RAB11FIP3: variants seen among roughly 807,000 people sequenced by gnomAD.
RAB11FIP3 encodes rab11 family-interacting protein 3.
RAB11FIP3 carries 17 observed loss-of-function variants against 77.8 expected under a neutral mutation model. That is an observed-to-expected ratio of 0.22 (90% CI 0.15 to 0.33). RAB11FIP3 has a LOEUF of 0.33. Among genes scored for constraint, RAB11FIP3 ranks in the 10% least tolerant of loss-of-function variants. The pLI is 1.00. For missense variants in RAB11FIP3, 1,005 were observed against 1,011.2 expected (o/e 0.99, Z 0.08); for synonymous variants, 437 against 448.2 (o/e 0.98, Z 0.31).
intron 1 of RAB11FIP3, among the ~76,000 whole-genome samples, chr16:443,921 C>T (rs534706537): frequency 1.3e-5 from 2 of 152,282 alleles, no homozygotes; most frequent in South Asian, 4.1e-4. Context: ...AATTGTCTTC[C>T]AGAAAAGTAT....
At chr16:503,551 C>G (rs2031647980) in intron 7 of RAB11FIP3, among the ~76,000 whole-genome samples, 1 of 152,116 alleles carries the variant, frequency 6.6e-6, no homozygotes. Context: ...GAATGGGTGA[C>G]AGCAGCCAGG....
At chr16:453,764 AT>A (rs972634724) in intron 1 of RAB11FIP3, among the ~76,000 whole-genome samples, 3 of 149,692 alleles carry the variant, frequency 2.0e-5, no homozygotes, top group Non-Finnish European at 3.0e-5. Flanking sequence ...CTAATTTTGT[AT>A]TTTTTTTTAA....
chr16:497,958 A>T (rs2031266677), intron 6 of RAB11FIP3, among the ~76,000 whole-genome samples: 1 of 149,748 alleles, frequency 6.7e-6, no homozygotes, highest in Non-Finnish European at 1.5e-5. Flanking sequence ...AAAAAAAATT[A>T]AAAATTAAAA....
At chr16:447,068 G>T (rs2055329492) in intron 1 of RAB11FIP3, among the ~76,000 whole-genome samples, 1 of 151,482 alleles carries the variant, frequency 6.6e-6, no homozygotes, top group Non-Finnish European at 1.5e-5. Flanking sequence ...ACTTTGAGAG[G>T]CTGAGGCAGG....
chr16:512,039 C>T (rs1383595189), intron 9 of RAB11FIP3, among the ~76,000 whole-genome samples: 1 of 152,170 alleles, frequency 6.6e-6, no homozygotes, highest in Non-Finnish European at 1.5e-5. Flanking sequence ...GCCCGCCCAC[C>T]CCAGAACCGG....
intron 9 of RAB11FIP3, among the ~76,000 whole-genome samples, chr16:517,821 G>T (rs191518289): frequency 6.6e-6 from 1 of 151,860 alleles, no homozygotes; most frequent in Non-Finnish European, 1.5e-5. Flanking sequence ...GGTGGCTCAC[G>T]CCTGTAATCC....
intron 1 of RAB11FIP3, among the ~76,000 whole-genome samples, chr16:453,657 C>T (rs1272706625): frequency 6.9e-6 from 1 of 144,082 alleles, no homozygotes; most frequent in African/African-American, 2.6e-5. Flanking sequence ...GTGGCGCGAT[C>T]TTGGCTCACT....
At chr16:499,807 A>T (rs2031391203) in intron 6 of RAB11FIP3, among the ~76,000 whole-genome samples, 1 of 151,856 alleles carries the variant, frequency 6.6e-6, no homozygotes, top group Non-Finnish European at 1.5e-5. Context: ...AAAAAAAAAA[A>T]AAAAAAAAAA....
At chr16:464,437 CT>C (rs2055668462) in intron 2 of RAB11FIP3, among the ~76,000 whole-genome samples, 1 of 152,186 alleles carries the variant, frequency 6.6e-6, no homozygotes, top group Admixed American at 6.5e-5. Flanking sequence ...GCATGGCGTG[CT>C]GCAGGTCCTC....
At chr16:484,783 G>A (rs1208553408) in intron 4 of RAB11FIP3, among the ~76,000 whole-genome samples, 1 of 152,218 alleles carries the variant, frequency 6.6e-6, no homozygotes, top group African/African-American at 2.4e-5. Flanking sequence ...TTGGCTTTGA[G>A]GGTGAAACTG....
chr16:490,268 C>T (rs1047743398), intron 5 of RAB11FIP3, among the ~76,000 whole-genome samples: 8 of 152,268 alleles, frequency 5.3e-5, no homozygotes, highest in Middle Eastern at 3.2e-3. Context: ...GTCGCAGACG[C>T]AGCACCCCTG....
chr16:458,666 A>G (rs2055550785), intron 1 of RAB11FIP3, among the ~76,000 whole-genome samples: 1 of 140,566 alleles, frequency 7.1e-6, no homozygotes, highest in Non-Finnish European at 1.6e-5. Flanking sequence ...CAGTTAATGG[A>G]TGTGGCTACA....
chr16:475,852 T>TA (rs1285050726), intron 3 of RAB11FIP3, among the ~76,000 whole-genome samples: 3 of 151,970 alleles, frequency 2.0e-5, no homozygotes, highest in African/African-American at 7.3e-5. Context: ...TTACTTTATT[T>TA]TTTATTTTTT....
chr16:437,464 G>A (rs1300348857), intron 1 of RAB11FIP3, among the ~76,000 whole-genome samples: 1 of 151,242 alleles, frequency 6.6e-6, no homozygotes, highest in East Asian at 1.9e-4. Flanking sequence ...CAGCTACTCA[G>A]GAGGCTGAGG....
rs2055810266 is a variant in RAB11FIP3 at position 471,608 on chromosome 16, C to A, written c.903+219C>A. Among the ~76,000 whole-genome samples the A allele has an allele frequency of 6.6e-6, 1 of 152,224 alleles. No individual in the cohort carries two copies. The highest frequency in any genetic ancestry group is 2.1e-4 in the South Asian group (1 of 4,836). ...TGTCAGCCTGGGCAGGAATCCTCCC[C>A]CAGGGCCTGTCGCCAGCAGAAGTGG... is the stretch of plus-strand genomic sequence containing the variant. On this transcript the variant is annotated intron_variant, in intron 3 of 13. Coordinates refer to ENST00000262305, the MANE Select transcript of RAB11FIP3 (RefSeq NM_014700.4). The surrounding 1 kb of genome is among the most constrained non-coding windows in gnomAD (Gnocchi z 4.4).
rs778251932 is a variant in RAB11FIP3, at chr16:496,834, C to T, written c.1276C>T (p.Arg426Trp). Residue 426 changes from arginine to tryptophan, a missense_variant, in exon 6 of 14, where the codon CGG (arginine) becomes TGG (tryptophan). Transcript: ENST00000262305. ...PAFLTPSPTK[R>W]LSSKKVARYL... is the part of the protein sequence containing the mutation. Reference sequence around the variant, plus strand: ...TTGTTTTCTGCACAGTCCGACAAAGCGGCTCTCCAGCAAGAAGGTGGCAAG... The same window carrying T: ...TTGTTTTCTGCACAGTCCGACAAAGTGGCTCTCCAGCAAGAAGGTGGCAAG... 5 of 1,596,662 alleles carry T rather than the reference C, an allele frequency of 3.1e-6. No individual in the cohort carries two copies. The highest frequency in any genetic ancestry group is 1.7e-5 in the Admixed American group (1 of 59,944).
At position 491,417 on chromosome 16, in the gene RAB11FIP3, G is replaced by A. The variant is rs908206693; in HGVS notation, c.1265+2417G>A. Reference sequence around the variant, plus strand: ...TGGGGCCCCGCCTCCCACCCTGCACGCTGTGGGGCCACCAGGGCCCTGCCT... The same window carrying A: ...TGGGGCCCCGCCTCCCACCCTGCACACTGTGGGGCCACCAGGGCCCTGCCT... On this transcript the variant is annotated intron_variant, in intron 5 of 13. Coordinates refer to ENST00000262305, the MANE Select transcript of RAB11FIP3 (RefSeq NM_014700.4). 1.3e-5 allele frequency: 10 copies of A among 780,600 alleles called. No homozygotes were observed. In the African/African-American group the frequency reaches 1.5e-4, roughly 11 times the overall value. The allele number at this position is 780,600 out of a possible 1,614,324, so 48.4% of individuals were successfully genotyped here.
chr16:510,875 G>C, intron 9 of RAB11FIP3, 75 bp downstream of exon 9: 1 of 1,471,970 alleles, frequency 6.8e-7, no homozygotes, highest in African/African-American at 1.6e-5. Flanking sequence ...CAGCCCGCCA[G>C]CCCCAGAAAC....
intron 1 of RAB11FIP3, among the ~76,000 whole-genome samples, chr16:438,525 C>A (rs2055170059): frequency 6.6e-6 from 1 of 150,964 alleles, no homozygotes; most frequent in Non-Finnish European, 1.5e-5. Context: ...CCTGCCTCAG[C>A]CTCACGAGTA....
Sources: gnomAD v4.1 joint callset for allele counts (sites outside exome capture counted in the v4.1 genomes callset) on GRCh38, gnomAD v4.1.1 for gene constraint, Gnocchi (gnomAD v3.1) non-coding constraint, MANE v1.5 for transcripts, NCBI Gene and HGNC (gene_info 2026-07-23, HGNC 2026-07-21) for gene names.